Variants in CD96 observed in about 807,000 individuals in gnomAD.
The protein encoded by CD96 is T-cell surface protein tactile.
In CD96, 70 loss-of-function variants were observed where a neutral mutation model predicts 71.3. The ratio of observed to expected loss-of-function variants is 0.98; its 90% CI spans 0.81 to 1.20. CD96 has a LOEUF of 1.20. CD96 is among the 50% of genes most tolerant of loss of function. CD96 has a pLI of 0.00. For missense variants in CD96, 742 were observed against 677.5 expected (o/e 1.10, Z -1.06); for synonymous variants, 248 against 233.0 (o/e 1.06, Z -0.59).
rs1160455210 is a variant in CD96, at chr3:111,578,954, G to A, written c.544-73G>A. ...TACTTTACAAAAAGTAAATGAATCA[G>A]TGCTTGTCGAATGCCTAGTTCAGAG... is the stretch of plus-strand genomic sequence containing the variant. On this transcript the variant is annotated intron_variant, in intron 3 of 13. Coordinates refer to ENST00000352690, the MANE Select transcript of CD96 (RefSeq NM_005816.5). The A allele has an allele frequency of 7.5e-6, 6 of 797,654 alleles. No homozygotes were observed. In the Admixed American group the frequency reaches 8.5e-5, roughly 11 times the overall value. 49.4% of individuals were successfully genotyped at this position (797,654 alleles called of 1,614,324 possible). A position where few individuals can be genotyped will look rare whatever the true frequency, so the allele number is the denominator to read the frequency against.
At chr3:111,591,363 C>T (rs1936974048) in intron 5 of CD96, among the ~76,000 whole-genome samples, 2 of 125,440 alleles carry the variant, frequency 1.6e-5, no homozygotes, top group Admixed American at 8.8e-5. Context: ...GAGAGTGAGA[C>T]TCCATCTTAA....
chr3:111,571,012 T>A, intron 3 of CD96: 1 of 1,444,996 alleles, frequency 6.9e-7, no homozygotes, highest in Non-Finnish European at 9.7e-7. Context: ...TCCTCCAGCT[T>A]CTCTTTTGGG....
chr3:111,559,960 T>A (rs1320442945), intron 2 of CD96, among the ~76,000 whole-genome samples: 1 of 86,934 alleles, frequency 1.2e-5, no homozygotes, highest in Admixed American at 1.2e-4. Flanking sequence ...TACCATTATG[T>A]AATGGCCTTC....
chr3:111,545,068 C>T lies in CD96; in HGVS notation c.84C>T (p.Asn28=), dbSNP rs1209875153. The T allele has an allele frequency of 6.2e-7, 1 of 1,614,106 alleles. No individual in the cohort carries two copies. The highest frequency in any genetic ancestry group is 8.5e-7 in the Non-Finnish European group (1 of 1,180,002). Residue 28 remains asparagine, a synonymous_variant, in exon 2 of 14, where the codon AAC becomes AAT. Coordinates refer to ENST00000352690, the MANE Select transcript of CD96 (RefSeq NM_005816.5). ...FVKGVWEKTV[N]TEENVYATLG... Reference sequence around the variant, plus strand: ...CAGGAGTTTGGGAAAAAACAGTCAACACAGAAGAAAATGTTTATGCTACAC... The same window carrying T: ...CAGGAGTTTGGGAAAAAACAGTCAATACAGAAGAAAATGTTTATGCTACAC...
intron 4 of CD96, among the ~76,000 whole-genome samples, chr3:111,584,568 G>C (rs1361119872): frequency 6.6e-6 from 1 of 152,206 alleles, no homozygotes; most frequent in Admixed American, 6.5e-5. Flanking sequence ...GGCTGGGGAG[G>C]CCTCAGAATC....
downstream of CD96, among the ~76,000 whole-genome samples, chr3:111,654,923 T>G (rs972796318): frequency 1.3e-5 from 2 of 152,204 alleles, no homozygotes; most frequent in Admixed American, 1.3e-4. Flanking sequence ...TGCAGAGAAG[T>G]TTGATAGTGG....
At chr3:111,634,212 T>C (rs975629928) in intron 10 of CD96, 3 of 152,230 alleles carry the variant, frequency 2.0e-5, no homozygotes, top group Admixed American at 2.0e-4. Flanking sequence ...AAAAATATTT[T>C]ATTATTGAAG....
At chr3:111,561,953 G>A (rs1433504258) in intron 2 of CD96, among the ~76,000 whole-genome samples, 3 of 151,580 alleles carry the variant, frequency 2.0e-5, no homozygotes, top group African/African-American at 7.3e-5. Context: ...CAATATTCGG[G>A]TGGGAGTGAC....
At chr3:111,622,474 G>A (rs1559761981) in intron 8 of CD96, among the ~76,000 whole-genome samples, 1 of 152,234 alleles carries the variant, frequency 6.6e-6, no homozygotes, top group South Asian at 2.1e-4. Context: ...TTCATTGATA[G>A]GCTGCATTGC....
intron 9 of CD96, 25 bp downstream of exon 9, chr3:111,623,847 A>G (rs1486420150): frequency 6.7e-7 from 1 of 1,501,380 alleles, no homozygotes; most frequent in Non-Finnish European, 9.3e-7. Context: ...GTTTTCCTAC[A>G]TGATTGGAAA....
chr3:111,629,250 T>C (rs1938938469), intron 10 of CD96, among the ~76,000 whole-genome samples: 1 of 152,176 alleles, frequency 6.6e-6, no homozygotes, highest in South Asian at 2.1e-4. Context: ...CCTGTCAGTA[T>C]GCTGTCTTCA....
intron 12 of CD96, among the ~76,000 whole-genome samples, chr3:111,638,435 T>C (rs1939440417): frequency 6.6e-6 from 1 of 152,180 alleles, no homozygotes; most frequent in South Asian, 2.1e-4. Flanking sequence ...AGGAGAGGAC[T>C]CTGTGAGGAT....
chr3:111,566,284 A>G (rs1264569257), intron 2 of CD96, among the ~76,000 whole-genome samples: 3 of 151,998 alleles, frequency 2.0e-5, no homozygotes, highest in African/African-American at 7.2e-5. Context: ...TGGTCAGAAG[A>G]AAGCTATTAG....
At chr3:111,564,077 T>G (rs904391331) in intron 2 of CD96, among the ~76,000 whole-genome samples, 14 of 152,310 alleles carry the variant, frequency 9.2e-5, no homozygotes, top group African/African-American at 3.4e-4. Flanking sequence ...ATGTTTGACT[T>G]TGCTCGATAC....
chr3:111,573,815 T>C (rs1936098460), intron 3 of CD96, among the ~76,000 whole-genome samples: 1 of 145,844 alleles, frequency 6.9e-6, no homozygotes, highest in Admixed American at 6.7e-5. Context: ...TAGACAATGT[T>C]TGTTATGCTT....
chr3:111,614,045 T>C (rs1171632275), intron 8 of CD96, among the ~76,000 whole-genome samples: 2 of 152,236 alleles, frequency 1.3e-5, no homozygotes, highest in Non-Finnish European at 2.9e-5. Context: ...TTTTTGGTGA[T>C]TTCCATATAA....
At chr3:111,600,935 G>A (rs74653230) in intron 7 of CD96, 21 bp downstream of exon 7, 1 of 1,474,672 alleles carries the variant, frequency 6.8e-7, no homozygotes, top group South Asian at 1.1e-5. Flanking sequence ...TATTTAATAA[G>A]ATCAACAAGA....
At chr3:111,577,889 TCTCCATTTTACTTCC>T (rs1936290001) in intron 3 of CD96, among the ~76,000 whole-genome samples, 1 of 152,154 alleles carries the variant, frequency 6.6e-6, no homozygotes, top group Admixed American at 6.5e-5. Context: ...TGTTTACCCT[TCTCCATTTTACTTCC>T]CTCCATTTCC....
chr3:111,610,205 A>G lies in CD96; in HGVS notation c.1180+3413A>G, dbSNP rs147742575. On this transcript the variant is annotated intron_variant, in intron 8 of 13. Coordinates refer to ENST00000352690, the MANE Select transcript of CD96 (RefSeq NM_005816.5). ...AAAACTCATGTTAAACCAGTGGCAG[A>G]TTATGTCTAAATAAACTTATCTTTT... 1.5e-4 allele frequency among the ~76,000 whole-genome samples: 23 copies of G among 152,338 alleles called. No homozygotes were observed. In the East Asian group the frequency reaches 4.1e-3, roughly 27 times the overall value.
Sources: allele counts gnomAD v4.1 joint callset (sites outside exome capture counted in the v4.1 genomes callset), GRCh38; gene constraint gnomAD v4.1.1; transcripts MANE v1.5; gene names NCBI Gene and HGNC (gene_info 2026-07-23, HGNC 2026-07-21).